TSPAN33: variants seen among roughly 807,000 people sequenced by gnomAD.
TSPAN33 encodes the protein tetraspanin 33, also known as tetraspanin-33.
TSPAN33 carries 27 observed loss-of-function variants against 34.8 expected under a neutral mutation model. The observed-to-expected ratio is 0.78, with a 90% CI of 0.57 to 1.07. TSPAN33 has a LOEUF of 1.07. Among genes scored for constraint, TSPAN33 ranks in the 50% least tolerant of loss-of-function variants. The pLI, the probability that TSPAN33 is intolerant of heterozygous loss-of-function variation, is 0.00. For missense variants in TSPAN33, 272 were observed against 324.9 expected (o/e 0.84, Z 1.25); for synonymous variants, 119 against 124.2 (o/e 0.96, Z 0.28).
chr7:129,164,719 G>A (rs959962776), intron 5 of TSPAN33, 150 bp downstream of exon 5: 11 of 675,526 alleles, frequency 1.6e-5, no homozygotes, highest in Non-Finnish European at 2.6e-5. Context: ...ACGTAGCAGA[G>A]TGCTTTAAAT....
chr7:129,153,466 TA>T, intron 1 of TSPAN33, among the ~76,000 whole-genome samples: 1 of 151,900 alleles, frequency 6.6e-6, no homozygotes, highest in Middle Eastern at 3.2e-3. Context: ...GGAAGAAAAT[TA>T]AAGAGAAAAG....
chr7:129,165,212 A>C lies in TSPAN33; in HGVS notation c.459+643A>C, dbSNP rs911467838. On this transcript the variant is annotated intron_variant, in intron 5 of 7. Coordinates refer to ENST00000486685, the MANE Select transcript of TSPAN33 (RefSeq NM_178562.5). This position sits in a 1 kb window ranked among gnomAD's most constrained non-coding sequence, Gnocchi z 4.5. ...TTTCCTCTCTTGAAACTCTGTATCC[A>C]TCAAACACTAACTCCCCATTTTCCT... Among the ~76,000 whole-genome samples the C allele has an allele frequency of 6.6e-6, 1 of 152,170 alleles. No homozygotes were observed. Among genetic ancestry groups the C allele is most frequent in the Non-Finnish European group, 1.5e-5 (1 of 68,028 alleles).
At chr7:129,155,712 C>G (rs1422099390) in intron 1 of TSPAN33, among the ~76,000 whole-genome samples, 1 of 150,624 alleles carries the variant, frequency 6.6e-6, no homozygotes, top group African/African-American at 2.4e-5. Context: ...ATTCAAGATA[C>G]TACATTACTT....
At chr7:129,166,635 C>A in intron 5 of TSPAN33, 143 bp from the exon 6 acceptor site, 6 of 936,708 alleles carry the variant, frequency 6.4e-6, no homozygotes, top group Non-Finnish European at 7.9e-6. Context: ...GAAGCTGGAG[C>A]TCAAAGTTTA....
intron 1 of TSPAN33, among the ~76,000 whole-genome samples, chr7:129,146,908 T>C (rs1810527595): frequency 6.6e-6 from 1 of 152,168 alleles, no homozygotes; most frequent in South Asian, 2.1e-4. Flanking sequence ...TGACAACAGC[T>C]GGGTGCATCT....
rs373400727 is a variant in TSPAN33 at position 129,147,751 on chromosome 7, G to A, written c.102+2669G>A. Among the ~76,000 whole-genome samples the A allele has an allele frequency of 3.9e-4, 60 of 152,332 alleles. No homozygotes were observed. The East Asian group carries it at 8.5e-3, about 22-fold the overall frequency. ...GTCTGTGCCTGGAACCCACTAGGAA[G>A]GTGTCCGGCATCCTCTGGGCTCTGA... On this transcript the variant is annotated intron_variant, in intron 1 of 7. Coordinates refer to ENST00000486685, the MANE Select transcript of TSPAN33 (RefSeq NM_178562.5).
intron 1 of TSPAN33, among the ~76,000 whole-genome samples, chr7:129,147,731 T>C (rs1235124918): frequency 2.0e-5 from 3 of 152,200 alleles, no homozygotes; most frequent in Non-Finnish European, 2.9e-5. Context: ...ATTGTGTCTG[T>C]GCCTGGAACC....
Position 129,161,756 on chromosome 7 carries a change from C to G in TSPAN33, c.160+20C>G. The G allele has an allele frequency of 6.2e-7, 1 of 1,613,998 alleles. No individual in the cohort carries two copies. The highest frequency in any genetic ancestry group is 1.7e-4 in the Middle Eastern group (1 of 5,970). On this transcript the variant is annotated intron_variant, in intron 2 of 7. Transcript: ENST00000486685. ...ATGCAGGTGAGCTGTAGCTCTCCCTCCCTGCCCCCACCTTGTGCCATGCCC... is the reference window on the plus strand; with the variant it reads ...ATGCAGGTGAGCTGTAGCTCTCCCTGCCTGCCCCCACCTTGTGCCATGCCC...
chr7:129,157,698 C>T (rs972122208), intron 1 of TSPAN33, among the ~76,000 whole-genome samples: 11 of 152,176 alleles, frequency 7.2e-5, no homozygotes, highest in Admixed American at 2.0e-4. Context: ...CCCCCAACAA[C>T]CCTAAGTCCC....
In TSPAN33 at chr7:129,162,911, A is replaced by G; in HGVS notation, c.363+4A>G. On this transcript the variant is annotated splice_donor_region_variant and intron_variant, in intron 4 of 7. Transcript: ENST00000486685. ...GGGCTTCGTCTTCTCAGACAAGGTA[A>G]CACTGGGAGCCAGGAGGCCTCCTCA... is the stretch of plus-strand genomic sequence containing the variant. 1 of 1,613,576 alleles carries G rather than the reference A, an allele frequency of 6.2e-7. No individual in the cohort carries two copies.
Position 129,164,147 on chromosome 7 carries a change from TA to T in TSPAN33, c.364-320del, listed in dbSNP as rs377538149. Among the ~76,000 whole-genome samples, 276 of 152,244 alleles carry T rather than the reference TA, an allele frequency of 1.8e-3. 2 individuals are homozygous for T. The highest frequency in any genetic ancestry group is 0.015 in the South Asian group (74 of 4,830). ...CTCAGCTCAGTAAGCTACTTTCTGC[TA>T]AAAAAATTAAAAATTAGTTTGTTTT... On this transcript the variant is annotated intron_variant, in intron 4 of 7. Transcript: ENST00000486685.
At chr7:129,159,335 G>T (rs566374455) in intron 1 of TSPAN33, among the ~76,000 whole-genome samples, 68 of 152,300 alleles carry the variant, frequency 4.5e-4, no homozygotes, top group African/African-American at 1.6e-3. Context: ...GATTATAGGC[G>T]TGAGCCACCG....
At position 129,145,366 on chromosome 7, in the gene TSPAN33, G is replaced by A. The variant is rs367619399; in HGVS notation, c.102+284G>A. Among the ~76,000 whole-genome samples the A allele has an allele frequency of 3.7e-4, 57 of 152,178 alleles. 1 individual carries two copies. Among genetic ancestry groups the A allele is most frequent in the African/African-American group, 1.3e-3 (54 of 41,530 alleles). On this transcript the variant is annotated intron_variant, in intron 1 of 7. Transcript: ENST00000486685. ...AAATGTGGGTTTGAGGGAGCCTGTTGGCCCAAGGCGGACCCACTGACACAT... is the reference window on the plus strand; with the variant it reads ...AAATGTGGGTTTGAGGGAGCCTGTTAGCCCAAGGCGGACCCACTGACACAT...
In TSPAN33 at chr7:129,155,192, G is replaced by A. The variant is rs149647297; in HGVS notation, c.103-6487G>A. Among the ~76,000 whole-genome samples the A allele has an allele frequency of 1.6e-3, 236 of 152,254 alleles. 2 individuals carry two copies. The highest frequency in any genetic ancestry group is 5.4e-3 in the African/African-American group (223 of 41,546). On this transcript the variant is annotated intron_variant, in intron 1 of 7. Transcript: ENST00000486685. ...ATTGCATGTTCTCACTCATATTTGA[G>A]GGCTAAAAAAGTGAAACTCATAGAG...
rs918839799 is a variant in TSPAN33 at position 129,165,942 on chromosome 7, T to C, written c.460-836T>C. Among the ~76,000 whole-genome samples, 1 of 7,692 alleles carries C rather than the reference T, an allele frequency of 1.3e-4. No individual in the cohort carries two copies. Among genetic ancestry groups the C allele is most frequent in the African/African-American group, 3.7e-4 (1 of 2,704 alleles). The allele number at this position is 7,692 out of a possible 152,430, so 5.0% of individuals were successfully genotyped here. Reference sequence around the variant, plus strand: ...AATAAGTGAAAAATAAAAGTTAACTTTTTTTTTTCCCTGAGACGGAGTCTT... The same window carrying C: ...AATAAGTGAAAAATAAAAGTTAACTCTTTTTTTTCCCTGAGACGGAGTCTT... On this transcript the variant is annotated intron_variant, in intron 5 of 7. Coordinates refer to ENST00000486685, the MANE Select transcript of TSPAN33 (RefSeq NM_178562.5). This position sits in a 1 kb window ranked among gnomAD's most constrained non-coding sequence, Gnocchi z 4.5.
chr7:129,155,000 A>G (rs1810648129), intron 1 of TSPAN33, among the ~76,000 whole-genome samples: 1 of 152,246 alleles, frequency 6.6e-6, no homozygotes, highest in African/African-American at 2.4e-5. Flanking sequence ...AAGAAATGGA[A>G]TAACCTTAAG....
chr7:129,162,423 C>A lies in TSPAN33; in HGVS notation c.190C>A (p.Pro64Thr). 6.2e-7 allele frequency: 1 copy of A among 1,613,788 alleles called. No homozygotes were observed. Among genetic ancestry groups the A allele is most frequent in the Non-Finnish European group, 8.5e-7 (1 of 1,180,018 alleles). The change falls in exon 3 of 8, where the codon CCT (proline) becomes ACT (threonine). Residue 64 changes from proline to threonine, a missense_variant. Physicochemically the swap from Pro to Thr is conservative, Grantham distance 38. Transcript: ENST00000486685. Reference sequence around the variant, plus strand: ...AGCCCTAGCCTGCCTGGCAGTGGACCCTGCCATCCTGCTGATCGTGGTGGG... The same window carrying A: ...AGCCCTAGCCTGCCTGGCAGTGGACACTGCCATCCTGCTGATCGTGGTGGG... The part of the protein sequence containing the change: ...EAALACLAVD[P>T]AILLIVVGVL...
At chr7:129,145,403 G>A (rs979678344) in intron 1 of TSPAN33, among the ~76,000 whole-genome samples, 8 of 152,102 alleles carry the variant, frequency 5.3e-5, no homozygotes, top group Admixed American at 2.0e-4. Context: ...CATGATGGGG[G>A]TCGGGGGTGG....
chr7:129,154,669 AG>A (rs1810644164), intron 1 of TSPAN33, among the ~76,000 whole-genome samples: 1 of 152,168 alleles, frequency 6.6e-6, no homozygotes, highest in Non-Finnish European at 1.5e-5. Flanking sequence ...TGAACCTGGA[AG>A]GTGGAGGTTG....
Sources: gnomAD v4.1 joint callset for allele counts (sites outside exome capture counted in the v4.1 genomes callset) on GRCh38, gnomAD v4.1.1 for gene constraint, Gnocchi (gnomAD v3.1) non-coding constraint, MANE v1.5 for transcripts, NCBI Gene and HGNC (gene_info 2026-07-23, HGNC 2026-07-21) for gene names.